Variants in FIP1L1 observed in about 807,000 individuals in gnomAD.
FIP1L1 encodes the protein factor interacting with PAPOLA and CPSF1.
A neutral mutation model predicts 84.6 loss-of-function variants in FIP1L1; 21 were observed. The observed-to-expected ratio is 0.25, with a 90% CI of 0.18 to 0.36. The LOEUF is 0.36. Ranked by LOEUF, FIP1L1 falls within the 10% of genes least tolerant of loss-of-function variation. The pLI, the probability that FIP1L1 is intolerant of heterozygous loss-of-function variation, is 1.00. For missense variants in FIP1L1, 526 were observed against 751.1 expected, an observed-to-expected ratio of 0.70 and a Z score of 3.50; for synonymous variants, 263 against 242.3, an observed-to-expected ratio of 1.09 and a Z score of -0.80.
intron 5 of FIP1L1, among the ~76,000 whole-genome samples, chr4:53,388,983 A>G (rs1274943217): frequency 1.3e-5 from 2 of 152,262 alleles, no homozygotes; most frequent in Admixed American, 6.5e-5. Flanking sequence ...TGTGTATTAT[A>G]TTACATCTAA....
intron 10 of FIP1L1, among the ~76,000 whole-genome samples, chr4:53,407,107 G>T (rs7672678): frequency 6.6e-6 from 1 of 152,108 alleles, no homozygotes; most frequent in African/African-American, 2.4e-5. Context: ...ATGTTAGGGT[G>T]TCAATTTTAG....
chr4:53,426,109 T>C lies in FIP1L1; in HGVS notation c.1017+144T>C, dbSNP rs141282805. ...TTAAAATGTGAAGCCAGTCATTTAT[T>C]ATAAAGGCATTTCCAGTTAGAATTT... On this transcript the variant is annotated intron_variant, in intron 12 of 17. Transcript: ENST00000337488. 7.5e-3 allele frequency: 3,575 copies of C among 478,436 alleles called. 18 individuals carry two copies. Among genetic ancestry groups the C allele is most frequent in the Middle Eastern group, 0.035 (63 of 1,818 alleles). 29.6% of individuals were successfully genotyped at this position (478,436 alleles called of 1,614,324 possible).
Position 53,426,628 on chromosome 4 carries a change from A to T in FIP1L1, c.1017+663A>T, listed in dbSNP as rs549962744. On this transcript the variant is annotated intron_variant, in intron 12 of 17. Transcript: ENST00000337488. Reference sequence around the variant, plus strand: ...CCACCTAAAGATAACCACATCTGGTACATCTCTTGATACTAAGCAAAATTG... The same window carrying T: ...CCACCTAAAGATAACCACATCTGGTTCATCTCTTGATACTAAGCAAAATTG... Among the ~76,000 whole-genome samples, 7 of 152,314 alleles carry T rather than the reference A, an allele frequency of 4.6e-5. 1 individual carries two copies. In the South Asian group the frequency reaches 1.2e-3, roughly 27 times the overall value.
intron 5 of FIP1L1, among the ~76,000 whole-genome samples, chr4:53,384,810 A>G (rs1004933072): frequency 6.6e-6 from 1 of 152,252 alleles, no homozygotes; most frequent in Non-Finnish European, 1.5e-5. Context: ...TTGGCTGTAT[A>G]ATGTGGTTAT....
At chr4:53,399,442 T>C (rs1438483010) in intron 9 of FIP1L1, among the ~76,000 whole-genome samples, 2 of 152,212 alleles carry the variant, frequency 1.3e-5, no homozygotes, top group Non-Finnish European at 2.9e-5. Flanking sequence ...CTATTTGTAG[T>C]GATCTGCAGG....
In FIP1L1 at chr4:53,459,536, A is replaced by G. The variant is rs751522033; in HGVS notation, c.*87A>G. 6.4e-7 allele frequency: 1 copy of G among 1,563,088 alleles called. No homozygotes were observed. On this transcript the variant is annotated 3_prime_UTR_variant, in exon 18 of 18. Coordinates refer to ENST00000337488, the MANE Select transcript of FIP1L1 (RefSeq NM_030917.4). ...TTTCTGGATAATGTTTAAGAAATTTACCTTAAATCTTGTTCTGTTTGTTAG... is the reference window on the plus strand; with the variant it reads ...TTTCTGGATAATGTTTAAGAAATTTGCCTTAAATCTTGTTCTGTTTGTTAG...
At chr4:53,455,260 A>C (rs1718320976) in intron 16 of FIP1L1, among the ~76,000 whole-genome samples, 1 of 151,972 alleles carries the variant, frequency 6.6e-6, no homozygotes, top group African/African-American at 2.4e-5. Flanking sequence ...AGCACTTTTA[A>C]TTTTCTTCAA....
At chr4:53,439,991 T>C (rs548105312) in intron 13 of FIP1L1, among the ~76,000 whole-genome samples, 20 of 152,100 alleles carry the variant, frequency 1.3e-4, no homozygotes, top group Middle Eastern at 6.8e-3. Context: ...TCATTCACGT[T>C]TATGTTAATG....
intron 3 of FIP1L1, among the ~76,000 whole-genome samples, chr4:53,381,750 A>ATTTTTTTTTTTTTTTTTTTTTT (rs1233462083): frequency 4.8e-5 from 3 of 63,066 alleles, no homozygotes; most frequent in African/African-American, 7.3e-5. Context: ...AGGCATTTGC[A>ATTTTTTTTTTTTTTTTTTTTTT]TTCTTTTTTT....
At chr4:53,438,467 T>C (rs538367256) in intron 13 of FIP1L1, among the ~76,000 whole-genome samples, 42 of 152,348 alleles carry the variant, frequency 2.8e-4, no homozygotes, top group Non-Finnish European at 5.9e-4. Flanking sequence ...TCATCAACTT[T>C]ATAGTCTTGT....
chr4:53,441,304 G>A (rs1771824153), intron 13 of FIP1L1, among the ~76,000 whole-genome samples: 1 of 151,782 alleles, frequency 6.6e-6, no homozygotes, highest in Non-Finnish European at 1.5e-5. Context: ...TGCAAGGGTG[G>A]GTCTAAATTC....
Position 53,379,014 on chromosome 4 carries a change from A to T in FIP1L1, c.86-59A>T. ...GCAGTAAAGTCTGATTTTTTTTTCCATAAAATAAGTATCTTGTTAAGTAAT... is the reference window on the plus strand; with the variant it reads ...GCAGTAAAGTCTGATTTTTTTTTCCTTAAAATAAGTATCTTGTTAAGTAAT... On this transcript the variant is annotated intron_variant, in intron 1 of 17. Transcript: ENST00000337488. 3 of 1,536,412 alleles carry T rather than the reference A, an allele frequency of 2.0e-6. No individual in the cohort carries two copies. Among genetic ancestry groups the T allele is most frequent in the Admixed American group, 3.9e-5 (2 of 51,550 alleles).
chr4:53,450,987 A>T (rs1579157967), intron 15 of FIP1L1, among the ~76,000 whole-genome samples: 1 of 134,112 alleles, frequency 7.5e-6, no homozygotes. Flanking sequence ...TTTGAGATGG[A>T]GTCTCACTCT....
chr4:53,387,594 CT>C (rs1333167508), intron 5 of FIP1L1, among the ~76,000 whole-genome samples: 1 of 152,208 alleles, frequency 6.6e-6, no homozygotes, highest in African/African-American at 2.4e-5. Context: ...ACACAGGCTT[CT>C]CTACAAAGGC....
chr4:53,410,834 A>G (rs1368883768), intron 10 of FIP1L1, among the ~76,000 whole-genome samples: 1 of 152,170 alleles, frequency 6.6e-6, no homozygotes, highest in Non-Finnish European at 1.5e-5. Flanking sequence ...TATAAATTAA[A>G]TTTTATAGGC....
intron 3 of FIP1L1, 35 bp downstream of exon 3, chr4:53,379,299 G>T: frequency 6.5e-7 from 1 of 1,532,864 alleles, no homozygotes; most frequent in Non-Finnish European, 8.8e-7. Flanking sequence ...CTATTACACA[G>T]GTTGTGTGAA....
chr4:53,379,180 T>C, intron 2 of FIP1L1, 45 bp from the exon 3 acceptor site: 1 of 1,606,786 alleles, frequency 6.2e-7, no homozygotes, highest in Non-Finnish European at 8.5e-7. Flanking sequence ...AGTGGTTTCT[T>C]TATTTTGTTT....
chr4:53,429,952 C>T (rs1329490370), intron 13 of FIP1L1, among the ~76,000 whole-genome samples: 1 of 152,134 alleles, frequency 6.6e-6, no homozygotes, highest in African/African-American at 2.4e-5. Context: ...CTACCTCACC[C>T]GTGGCCCCCA....
chr4:53,407,089 T>C (rs1160345101), intron 10 of FIP1L1, among the ~76,000 whole-genome samples: 3 of 152,236 alleles, frequency 2.0e-5, no homozygotes, highest in Non-Finnish European at 2.9e-5. Flanking sequence ...CTAGTTCTTT[T>C]AATTGTGATG....
Sources: allele counts gnomAD v4.1 joint callset (sites outside exome capture counted in the v4.1 genomes callset), GRCh38; gene constraint gnomAD v4.1.1; transcripts MANE v1.5; gene names NCBI Gene and HGNC (gene_info 2026-07-23, HGNC 2026-07-21).